Variants in CD96 observed in about 807,000 individuals in gnomAD.
CD96 encodes CD96 molecule, also known as T-cell surface protein tactile.
CD96 carries 70 observed loss-of-function variants against 71.3 expected under a neutral mutation model. The ratio of observed to expected loss-of-function variants is 0.98; its 90% CI spans 0.81 to 1.20. The LOEUF is 1.20. Among genes scored for constraint, CD96 ranks in the 50% most tolerant of loss-of-function variants. The pLI is 0.00. For synonymous variants in CD96, 248 were observed against 233.0 expected (o/e 1.06, Z -0.59); for missense variants, 742 against 677.5 (o/e 1.10, Z -1.06).
intron 8 of CD96, among the ~76,000 whole-genome samples, chr3:111,610,348 A>C (rs1343799765): frequency 6.6e-6 from 1 of 152,198 alleles, no homozygotes; most frequent in African/African-American, 2.4e-5. Context: ...TCACCTTTGC[A>C]TGTTCTTTGA....
chr3:111,593,942 C>T lies in CD96; in HGVS notation c.808-4178C>T, dbSNP rs758268672. ...GGTGCCCACGTTGACCCCAGGGCCA[C>T]GGCTCACCTGCCTGCCACACAGGCG... On this transcript the variant is annotated intron_variant, in intron 5 of 13. Transcript: ENST00000352690. 1.9e-5 allele frequency: 31 copies of T among 1,613,836 alleles called. No homozygotes were observed. The East Asian group carries it at 2.7e-4, about 14-fold the overall frequency.
At chr3:111,556,181 A>C (rs1935016412) in intron 2 of CD96, among the ~76,000 whole-genome samples, 1 of 152,272 alleles carries the variant, frequency 6.6e-6, no homozygotes, top group Non-Finnish European at 1.5e-5. Flanking sequence ...TTGCTTTAAT[A>C]CTTTGAATAG....
At chr3:111,566,042 T>C (rs1935694057) in intron 2 of CD96, among the ~76,000 whole-genome samples, 1 of 149,290 alleles carries the variant, frequency 6.7e-6, no homozygotes, top group Non-Finnish European at 1.5e-5. Flanking sequence ...ATATATATAA[T>C]TTTTAGCCCT....
At chr3:111,643,070 TA>T (rs201908883) in intron 12 of CD96, among the ~76,000 whole-genome samples, 1,200 of 94,372 alleles carry the variant, frequency 0.013, 7 homozygotes, top group African/African-American at 0.025. Flanking sequence ...CCAAAATCCT[TA>T]AAAAAAAAAA....
At chr3:111,631,807 A>G (rs553408907) in intron 10 of CD96, among the ~76,000 whole-genome samples, 17 of 152,254 alleles carry the variant, frequency 1.1e-4, no homozygotes, top group Admixed American at 3.9e-4. Context: ...AGAATAGAGA[A>G]CCCAGAAATA....
intron 12 of CD96, among the ~76,000 whole-genome samples, chr3:111,644,835 A>T (rs1019554333): frequency 6.6e-6 from 1 of 152,114 alleles, no homozygotes; most frequent in Non-Finnish European, 1.5e-5. Context: ...TTAGTCCTGT[A>T]AGAATGGCCA....
At chr3:111,602,212 C>T (rs1415146422) in intron 7 of CD96, among the ~76,000 whole-genome samples, 1 of 152,044 alleles carries the variant, frequency 6.6e-6, no homozygotes, top group Non-Finnish European at 1.5e-5. Context: ...GCTAAAGGAC[C>T]CTAAAAGCTC....
chr3:111,600,881 A>G lies in CD96; in HGVS notation c.1054A>G (p.Asn352Asp). 2 of 1,613,028 alleles carry G rather than the reference A, an allele frequency of 1.2e-6. No homozygotes were observed. The highest frequency in any genetic ancestry group is 1.7e-6 in the Non-Finnish European group (2 of 1,179,050). ...TCCAGTCCCAGGAAATAAAGTGTGG[A>G]ACATCTCATCAGAAAAGATCACTTT... is the stretch of plus-strand genomic sequence containing the variant. ...LSPVPGNKVW[N>D]ISSEKITFLL... The change falls in exon 7 of 14, where the codon AAC becomes GAC. Residue 352 changes from asparagine to aspartate, a missense_variant. Asn to Asp is a conservative substitution (Grantham distance 23). Transcript: ENST00000352690.
chr3:111,585,286 AT>A, intron 4 of CD96, 36 bp from the exon 5 acceptor site: 1 of 1,411,710 alleles, frequency 7.1e-7, no homozygotes, highest in Non-Finnish European at 1.0e-6. Context: ...GTAGGATGAC[AT>A]TTGGTGCCAC....
At chr3:111,640,323 A>G (rs1939533274) in intron 12 of CD96, among the ~76,000 whole-genome samples, 1 of 152,236 alleles carries the variant, frequency 6.6e-6, no homozygotes, top group Non-Finnish European at 1.5e-5. Flanking sequence ...CTTTAGACAC[A>G]CTTTTAGAAA....
intron 5 of CD96, chr3:111,595,008 GT>G (rs1235348000): frequency 1.2e-5 from 2 of 166,982 alleles, no homozygotes; most frequent in Non-Finnish European, 2.9e-5. Flanking sequence ...CAAACACAGC[GT>G]TGCCTGGCTG....
At chr3:111,614,493 G>T (rs1326270571) in intron 8 of CD96, among the ~76,000 whole-genome samples, 3 of 152,178 alleles carry the variant, frequency 2.0e-5, no homozygotes, top group Non-Finnish European at 2.9e-5. Context: ...TCCTATGGCT[G>T]CTGTCCCTTG....
intron 10 of CD96, chr3:111,634,445 G>C (rs928839102): frequency 6.6e-6 from 1 of 152,662 alleles, no homozygotes; most frequent in Non-Finnish European, 1.5e-5. Flanking sequence ...CTGTAGAGAA[G>C]TTTATCAGTC....
intron 5 of CD96, among the ~76,000 whole-genome samples, chr3:111,586,246 T>C (rs1936708227): frequency 1.3e-5 from 2 of 152,220 alleles, no homozygotes; most frequent in African/African-American, 4.8e-5. Context: ...GTAAAAAATA[T>C]ACTCATTAAT....
At chr3:111,593,887 C>T in intron 5 of CD96, 1 of 1,613,698 alleles carries the variant, frequency 6.2e-7, no homozygotes, top group Non-Finnish European at 8.5e-7. Flanking sequence ...CCTCTCTGTG[C>T]ATGCTTTTCA....
chr3:111,577,482 C>CTT, intron 3 of CD96: 1 of 1,573,362 alleles, frequency 6.4e-7, no homozygotes, highest in Non-Finnish European at 8.7e-7. Flanking sequence ...CTCCCTTCTT[C>CTT]TTTTGCTCTT....
intron 4 of CD96, 94 bp from the exon 5 acceptor site, chr3:111,585,229 T>C: frequency 3.8e-6 from 2 of 532,694 alleles, no homozygotes; most frequent in Non-Finnish European, 6.9e-6. Context: ...ATTTAATGAA[T>C]GAAGATGCTT....
intron 8 of CD96, among the ~76,000 whole-genome samples, chr3:111,618,799 C>T (rs1441085298): frequency 6.6e-6 from 1 of 151,858 alleles, no homozygotes; most frequent in African/African-American, 2.4e-5. Flanking sequence ...TCTCAATCTC[C>T]TGACCTCATG....
intron 14 of CD96, among the ~76,000 whole-genome samples, chr3:111,664,639 C>G (rs1390717372): frequency 6.6e-6 from 1 of 152,026 alleles, no homozygotes; most frequent in Non-Finnish European, 1.5e-5. Flanking sequence ...TGTACATGTA[C>G]CCCTGTATCT....
Sources: allele counts gnomAD v4.1 joint callset (sites outside exome capture counted in the v4.1 genomes callset), GRCh38; gene constraint gnomAD v4.1.1; transcripts MANE v1.5; gene names NCBI Gene and HGNC (gene_info 2026-07-23, HGNC 2026-07-21).